Variants in GALNT7 observed in about 807,000 individuals in gnomAD.
The protein encoded by GALNT7 is polypeptide N-acetylgalactosaminyltransferase 7.
In GALNT7, 60 loss-of-function variants were observed where a neutral mutation model predicts 82.1. The observed-to-expected ratio is 0.73, with a 90% CI of 0.59 to 0.91. GALNT7 has a LOEUF of 0.91. GALNT7 is among the 40% of genes least tolerant of loss of function. The pLI, the probability that GALNT7 is intolerant of heterozygous loss-of-function variation, is 0.00. For missense variants in GALNT7, 660 were observed against 804.2 expected (o/e 0.82, Z 2.17); for synonymous variants, 243 against 275.1 (o/e 0.88, Z 1.15).
At chr4:173,303,618 T>A (rs893789795) in intron 7 of GALNT7, among the ~76,000 whole-genome samples, 9 of 152,142 alleles carry the variant, frequency 5.9e-5, no homozygotes, top group African/African-American at 2.2e-4. Context: ...AAGCCGAAGG[T>A]GAAGAAGCCA....
At chr4:173,316,552 A>G (rs1417764858) in intron 9 of GALNT7, 1 of 152,120 alleles carries the variant, frequency 6.6e-6, no homozygotes, top group Non-Finnish European at 1.5e-5. Flanking sequence ...TGGCATGCCC[A>G]TTACTGGGGT....
intron 1 of GALNT7, among the ~76,000 whole-genome samples, chr4:173,221,220 T>A (rs1037733362): frequency 2.0e-5 from 3 of 152,134 alleles, no homozygotes; most frequent in African/African-American, 7.2e-5. Context: ...GATATCTCAT[T>A]GTGGTTTTGA....
rs977254176 is a variant in GALNT7, at chr4:173,313,995, A to G, written c.1427A>G (p.Tyr476Cys). ...GTTGTGGAGGTTTGGTGGGATGAAT[A>G]TAAAGACTACTTCTATGCTAGTCGT... ...VRVVEVWWDE[Y>C]KDYFYASRPE... is the part of the protein sequence containing the mutation. The change falls in exon 9 of 12, where the codon TAT becomes TGT. Residue 476 changes from tyrosine to cysteine, a missense_variant. By Grantham distance (194) the Tyr-to-Cys change is radical. Coordinates refer to ENST00000265000, the MANE Select transcript of GALNT7 (RefSeq NM_017423.3). The G allele has an allele frequency of 1.9e-6, 3 of 1,600,884 alleles. No individual in the cohort carries two copies. Among genetic ancestry groups the G allele is most frequent in the Non-Finnish European group, 1.7e-6 (2 of 1,168,230 alleles).
intron 2 of GALNT7, among the ~76,000 whole-genome samples, chr4:173,279,708 C>CA (rs1056467126): frequency 6.6e-6 from 1 of 152,130 alleles, no homozygotes; most frequent in African/African-American, 2.4e-5. Context: ...CATGGTGGCT[C>CA]ACGACTGTAA....
chr4:173,197,453 A>G (rs76629257), intron 1 of GALNT7, among the ~76,000 whole-genome samples: 1 of 152,342 alleles, frequency 6.6e-6, no homozygotes, highest in African/African-American at 2.4e-5. Flanking sequence ...TAATTCAGCA[A>G]TGGGAAAAGA....
rs201603797 is a variant in GALNT7 at position 173,248,526 on chromosome 4, AAAT to A, written c.587+90_587+92del. On this transcript the variant is annotated intron_variant, in intron 2 of 11. Coordinates refer to ENST00000265000, the MANE Select transcript of GALNT7 (RefSeq NM_017423.3). ...GTTTAGTTAGATTGTTAGAATGAAG[AAAT>A]AATTATTGATGCCTTTATTTCAAGG... 2.6e-5 allele frequency: 21 copies of A among 822,688 alleles called. No individual in the cohort carries two copies. The East Asian group carries it at 5.0e-4, about 20-fold the overall frequency. The allele number at this position is 822,688 out of a possible 1,614,324, so 51.0% of individuals were successfully genotyped here. A position where few individuals can be genotyped will look rare whatever the true frequency, so the allele number is the denominator to read the frequency against.
At chr4:173,279,196 T>C (rs1015170408) in intron 2 of GALNT7, among the ~76,000 whole-genome samples, 1 of 152,152 alleles carries the variant, frequency 6.6e-6, no homozygotes, top group African/African-American at 2.4e-5. Flanking sequence ...TATGCCTGGC[T>C]TTGGGGGAGG....
chr4:173,176,534 T>C (rs1732049183), intron 1 of GALNT7, among the ~76,000 whole-genome samples: 2 of 152,268 alleles, frequency 1.3e-5, no homozygotes, highest in South Asian at 4.1e-4. Flanking sequence ...AATAACCCTT[T>C]TTGGCCACAG....
chr4:173,169,894 G>C (rs964044948), intron 1 of GALNT7, among the ~76,000 whole-genome samples: 1 of 152,028 alleles, frequency 6.6e-6, no homozygotes, highest in Admixed American at 6.6e-5. Context: ...AGCTCAGGCC[G>C]ACGCCGAGGG....
intron 1 of GALNT7, among the ~76,000 whole-genome samples, chr4:173,235,517 T>C (rs967711375): frequency 1.2e-4 from 19 of 152,130 alleles, no homozygotes. Context: ...CTTTGCTCAG[T>C]GATGTACTCA....
intron 2 of GALNT7, among the ~76,000 whole-genome samples, chr4:173,279,777 A>G (rs997085064): frequency 2.6e-5 from 4 of 152,156 alleles, no homozygotes; most frequent in African/African-American, 9.7e-5. Flanking sequence ...GTTCGAGACC[A>G]GCCTGACCAA....
At chr4:173,208,645 C>G (rs899802069) in intron 1 of GALNT7, among the ~76,000 whole-genome samples, 5 of 152,200 alleles carry the variant, frequency 3.3e-5, no homozygotes, top group Non-Finnish European at 5.9e-5. Flanking sequence ...TGGTTCATCT[C>G]CCAGCTGGCT....
At chr4:173,256,957 A>G (rs1288554314) in intron 2 of GALNT7, among the ~76,000 whole-genome samples, 1 of 152,226 alleles carries the variant, frequency 6.6e-6, no homozygotes, top group African/African-American at 2.4e-5. Context: ...CAAGGATTAC[A>G]TATGGCCACA....
chr4:173,187,255 CT>C (rs1311130874), intron 1 of GALNT7, among the ~76,000 whole-genome samples: 1 of 151,618 alleles, frequency 6.6e-6, no homozygotes, highest in African/African-American at 2.4e-5. Flanking sequence ...TAAATAAACT[CT>C]GTGGATTGCT....
Position 173,313,937 on chromosome 4 carries a change from A to G in GALNT7, c.1390-21A>G, listed in dbSNP as rs766654029. The G allele has an allele frequency of 2.1e-5, 22 of 1,059,680 alleles. No individual in the cohort carries two copies. The African/African-American group carries it at 3.6e-4, about 17-fold the overall frequency. The allele number at this position is 1,059,680 out of a possible 1,614,324, so 65.6% of individuals were successfully genotyped here. A position where few individuals can be genotyped will look rare whatever the true frequency, so the allele number is the denominator to read the frequency against. ...TTTGTATTTTTATAACGATATATAT[A>G]TATATATTTTTTTTTTACAGAATTA... On this transcript the variant is annotated intron_variant, in intron 8 of 11. Coordinates refer to ENST00000265000, the MANE Select transcript of GALNT7 (RefSeq NM_017423.3).
chr4:173,246,701 A>G (rs528914906), intron 1 of GALNT7, among the ~76,000 whole-genome samples: 1 of 152,354 alleles, frequency 6.6e-6, no homozygotes, highest in African/African-American at 2.4e-5. Context: ...CTACTAATAG[A>G]GAGCAGCCTA....
intron 1 of GALNT7, among the ~76,000 whole-genome samples, chr4:173,213,252 CAG>C (rs1477109630): frequency 1.3e-5 from 2 of 151,762 alleles, no homozygotes; most frequent in Admixed American, 6.6e-5. Context: ...TTATGCAGAA[CAG>C]AGATTTTATT....
intron 1 of GALNT7, among the ~76,000 whole-genome samples, chr4:173,176,546 T>C (rs577282258): frequency 4.6e-5 from 7 of 152,334 alleles, no homozygotes; most frequent in African/African-American, 9.6e-5. Flanking sequence ...TGGCCACAGT[T>C]TGTGGGCCAG....
intron 1 of GALNT7, among the ~76,000 whole-genome samples, chr4:173,214,169 T>G (rs1250919176): frequency 1.3e-5 from 2 of 152,122 alleles, no homozygotes; most frequent in African/African-American, 2.4e-5. Flanking sequence ...AAGACCTAAC[T>G]AGAGAAGTGA....
Sources: allele counts gnomAD v4.1 joint callset (sites outside exome capture counted in the v4.1 genomes callset), GRCh38; gene constraint gnomAD v4.1.1; transcripts MANE v1.5; gene names NCBI Gene and HGNC (gene_info 2026-07-23, HGNC 2026-07-21).